The following COL5A2 variants were observed in gnomAD, a reference collection of about 807,000 sequenced individuals.
The protein encoded by COL5A2 is collagen type V alpha 2 chain, also known as collagen alpha-2(V) chain.
COL5A2 carries 23 observed loss-of-function variants against 208.2 expected under a neutral mutation model. The ratio of observed to expected loss-of-function variants is 0.11; its 90% CI spans 0.08 to 0.16. The LOEUF is 0.16. Ranked by LOEUF, COL5A2 falls within the 10% of genes least tolerant of loss-of-function variation. The pLI is 1.00. For synonymous variants in COL5A2, 625 were observed against 628.5 expected, an observed-to-expected ratio of 0.99 and a Z score of 0.08; for missense variants, 1,590 against 1,956.4, an observed-to-expected ratio of 0.81 and a Z score of 3.53.
chr2:189,397,740 T>C, the COL5A2 span, among the ~76,000 whole-genome samples: 75 of 152,056 alleles, frequency 4.9e-4, no homozygotes, highest in Non-Finnish European at 9.6e-4. Flanking sequence ...ATCAAACTTA[T>C]TACTCTTCTA....
chr2:189,423,330 T>A, the COL5A2 span, among the ~76,000 whole-genome samples: 3 of 150,684 alleles, frequency 2.0e-5, no homozygotes, highest in Admixed American at 2.0e-4. Context: ...CTTAAGGAAC[T>A]AAAAAAATAG....
intron 24 of COL5A2, 118 bp downstream of exon 24, chr2:189,064,886 T>C: frequency 3.0e-6 from 3 of 998,314 alleles, no homozygotes; most frequent in Non-Finnish European, 4.7e-6. Flanking sequence ...CTGGTATTTG[T>C]ATCCATCTCC....
At position 189,104,327 on chromosome 2, in the gene COL5A2, G is replaced by A. The variant is rs781050461; in HGVS notation, c.323-50C>T. Reference sequence around the variant, plus strand: ...GTTATTTTATGAGGAAACAATTATTGAGAATCTGCTAAATATTTACTTTCA... The same window carrying A: ...GTTATTTTATGAGGAAACAATTATTAAGAATCTGCTAAATATTTACTTTCA... On this transcript the variant is annotated intron_variant, in intron 2 of 53. Transcript: ENST00000374866. 5 of 1,201,182 alleles carry A rather than the reference G, an allele frequency of 4.2e-6. No homozygotes were observed. The Admixed American group carries it at 8.5e-5, about 20-fold the overall frequency. The allele number at this position is 1,201,182 out of a possible 1,614,324, so 74.4% of individuals were successfully genotyped here.
At chr2:189,419,978 A>G in the COL5A2 span, among the ~76,000 whole-genome samples, 8 of 139,380 alleles carry the variant, frequency 5.7e-5, no homozygotes, top group Middle Eastern at 3.8e-3. Context: ...AGAGGAGAGG[A>G]GGAAGAGGAG....
chr2:189,304,270 T>C, the COL5A2 span, among the ~76,000 whole-genome samples: 2 of 152,206 alleles, frequency 1.3e-5, no homozygotes, highest in African/African-American at 4.8e-5. Flanking sequence ...TTTCCAATAT[T>C]CATAACTCTC....
the COL5A2 span, among the ~76,000 whole-genome samples, chr2:189,294,011 C>T: frequency 6.6e-6 from 1 of 150,634 alleles, no homozygotes; most frequent in Non-Finnish European, 1.5e-5. Flanking sequence ...TGGCGTGAAC[C>T]TGGGAAGCGG....
the COL5A2 span, among the ~76,000 whole-genome samples, chr2:189,321,606 G>C: frequency 1.3e-5 from 2 of 151,700 alleles, no homozygotes; most frequent in Non-Finnish European, 2.9e-5. Flanking sequence ...AATTCAACAA[G>C]AAGAGCTAAC....
chr2:189,389,310 T>G, the COL5A2 span, among the ~76,000 whole-genome samples: 1 of 152,178 alleles, frequency 6.6e-6, no homozygotes, highest in Non-Finnish European at 1.5e-5. Context: ...ATTCTATAAA[T>G]TCCTATGACC....
chr2:189,197,881 G>A (rs554923435), intron 1 of COL5A2, among the ~76,000 whole-genome samples: 85 of 147,882 alleles, frequency 5.7e-4, no homozygotes, highest in Non-Finnish European at 1.0e-3. Flanking sequence ...ATGGAGTCTC[G>A]CTCTGTCACC....
the COL5A2 span, among the ~76,000 whole-genome samples, chr2:189,417,000 G>A: frequency 6.6e-6 from 1 of 151,740 alleles, no homozygotes; most frequent in South Asian, 2.1e-4. Context: ...ATTTGTTTAT[G>A]GTGTTTTTGC....
At chr2:189,062,551 TA>T (rs1281323414) in intron 29 of COL5A2, among the ~76,000 whole-genome samples, 6 of 152,078 alleles carry the variant, frequency 3.9e-5, no homozygotes, top group Non-Finnish European at 8.8e-5. Context: ...ATATTTTAAA[TA>T]AAATATTTTA....
chr2:189,236,494 A>G, the COL5A2 span, among the ~76,000 whole-genome samples: 2 of 151,852 alleles, frequency 1.3e-5, no homozygotes, highest in East Asian at 3.9e-4. Context: ...TCAATAATTG[A>G]TGAGAGTTCT....
At chr2:189,169,815 A>G (rs1319653120) in intron 1 of COL5A2, among the ~76,000 whole-genome samples, 3 of 152,194 alleles carry the variant, frequency 2.0e-5, no homozygotes, top group Non-Finnish European at 2.9e-5. Flanking sequence ...GGTTCAAGCA[A>G]TTCTCCTGCC....
the COL5A2 span, among the ~76,000 whole-genome samples, chr2:189,288,728 C>G: frequency 6.6e-6 from 1 of 152,104 alleles, no homozygotes; most frequent in Non-Finnish European, 1.5e-5. Context: ...CCAGCGTTAT[C>G]CTGATACCAA....
At chr2:189,085,698 A>T in intron 10 of COL5A2, 21 bp downstream of exon 10, 2 of 1,610,234 alleles carry the variant, frequency 1.2e-6, no homozygotes, top group Non-Finnish European at 1.7e-6. Context: ...AACTGGGTCT[A>T]CATGCTTACT....
chr2:189,191,399 G>C (rs1469894715), intron 1 of COL5A2, among the ~76,000 whole-genome samples: 1 of 152,112 alleles, frequency 6.6e-6, no homozygotes, highest in Non-Finnish European at 1.5e-5. Flanking sequence ...CCAGCACTTT[G>C]GGAGGCTGAG....
the COL5A2 span, among the ~76,000 whole-genome samples, chr2:189,375,813 T>C: frequency 6.6e-6 from 1 of 152,228 alleles, no homozygotes; most frequent in African/African-American, 2.4e-5. Flanking sequence ...AGTTTTATTA[T>C]GTATAACCCT....
At chr2:189,048,126 A>G (rs1685707734) in intron 45 of COL5A2, 83 bp downstream of exon 45, 4 of 1,299,314 alleles carry the variant, frequency 3.1e-6, no homozygotes, top group African/African-American at 1.5e-5. Context: ...AACTATCAGG[A>G]AAAATGACAG....
the COL5A2 span, among the ~76,000 whole-genome samples, chr2:189,274,066 G>C: frequency 2.0e-5 from 3 of 151,838 alleles, no homozygotes; most frequent in African/African-American, 4.8e-5. Context: ...TGATTTAGCT[G>C]TTCTACAATG....
Sources: allele counts gnomAD v4.1 joint callset (sites outside exome capture counted in the v4.1 genomes callset), GRCh38; gene constraint gnomAD v4.1.1; transcripts MANE v1.5; gene names NCBI Gene and HGNC (gene_info 2026-07-23, HGNC 2026-07-21).